Variants in PARD3B observed in about 807,000 individuals in gnomAD.
The protein encoded by PARD3B is par-3 family cell polarity regulator beta.
Under a neutral mutation model 130.2 loss-of-function variants are expected in PARD3B, and 103 were observed. The ratio of observed to expected loss-of-function variants is 0.79; its 90% CI spans 0.67 to 0.93. The LOEUF (loss-of-function observed/expected upper bound fraction) is 0.93. Ranked by LOEUF, PARD3B falls within the 40% of genes least tolerant of loss-of-function variation. The pLI is 0.00. For synonymous variants in PARD3B, 583 were observed against 553.2 expected, an observed-to-expected ratio of 1.05 and a Z score of -0.76; for missense variants, 1,609 against 1,499.2, an observed-to-expected ratio of 1.07 and a Z score of -1.21.
intron 1 of PARD3B, among the ~76,000 whole-genome samples, chr2:204,576,444 C>A (rs191061327): frequency 1.3e-5 from 2 of 152,082 alleles, no homozygotes; most frequent in Admixed American, 1.3e-4. Flanking sequence ...TACATTGTTG[C>A]GGCAAAGTTT....
chr2:205,447,726 A>G (rs1179757929), intron 20 of PARD3B, among the ~76,000 whole-genome samples: 1 of 152,194 alleles, frequency 6.6e-6, no homozygotes, highest in African/African-American at 2.4e-5. Flanking sequence ...GTCAAGCCTC[A>G]CGTCCCACTC....
chr2:205,398,619 C>T (rs849226), intron 18 of PARD3B, among the ~76,000 whole-genome samples: 38,581 of 152,022 alleles, frequency 0.25, 7,751 homozygotes, highest in African/African-American at 0.56. Flanking sequence ...AGTTGAGAAA[C>T]ATGCAGAATA....
Position 205,463,137 on chromosome 2 carries a change from C to T in PARD3B, c.3044+22465C>T, listed in dbSNP as rs2048507742. On this transcript the variant is annotated intron_variant, in intron 20 of 22. Coordinates refer to ENST00000406610, the MANE Select transcript of PARD3B (RefSeq NM_001302769.2). The surrounding 1 kb of genome is among the most constrained non-coding windows in gnomAD (Gnocchi z 4.8). ...TTGAACTGACTCACCTAATTGGGGT[C>T]AACCACTGAAAAAAAATGTGTTGCT... Among the ~76,000 whole-genome samples, 1 of 152,042 alleles carries T rather than the reference C, an allele frequency of 6.6e-6. No individual in the cohort carries two copies. The highest frequency in any genetic ancestry group is 1.5e-5 in the Non-Finnish European group (1 of 68,000).
At chr2:205,012,787 G>C (rs118134231) in intron 3 of PARD3B, among the ~76,000 whole-genome samples, 2,175 of 152,278 alleles carry the variant, frequency 0.014, 31 homozygotes, top group East Asian at 0.045. Context: ...ATCATGGAAA[G>C]AAAGCTATAA....
chr2:204,588,765 ATC>A (rs2032945580), intron 1 of PARD3B, among the ~76,000 whole-genome samples: 1 of 152,180 alleles, frequency 6.6e-6, no homozygotes, highest in African/African-American at 2.4e-5. Context: ...CACTGCAGAA[ATC>A]TTTTTATTAG....
At chr2:204,877,078 T>G (rs2045874845) in intron 2 of PARD3B, among the ~76,000 whole-genome samples, 1 of 151,956 alleles carries the variant, frequency 6.6e-6, no homozygotes. Context: ...AAATGATGAG[T>G]TCATGTCCTT....
At chr2:204,946,538 C>T (rs1030464461) in intron 2 of PARD3B, among the ~76,000 whole-genome samples, 2 of 152,034 alleles carry the variant, frequency 1.3e-5, no homozygotes, top group African/African-American at 2.4e-5. Context: ...TAGGGAACAC[C>T]GAGGAGATTT....
At chr2:205,196,350 C>T (rs1036586324) in intron 15 of PARD3B, among the ~76,000 whole-genome samples, 2 of 151,978 alleles carry the variant, frequency 1.3e-5, no homozygotes, top group Non-Finnish European at 1.5e-5. Flanking sequence ...GTTTTTGAGT[C>T]GTTTGTGTTT....
rs113941937 is a variant in PARD3B at position 205,550,957 on chromosome 2, A to T, written c.3181-2367A>T. ...TGTGTGTGTGTATATATATATGTGT[A>T]TATATATATATATATATATACACAC... On this transcript the variant is annotated intron_variant, in intron 21 of 22. Transcript: ENST00000406610. The surrounding 1 kb of genome is among the most constrained non-coding windows in gnomAD (Gnocchi z 4.5). 1.2e-5 allele frequency among the ~76,000 whole-genome samples: 1 copy of T among 84,820 alleles called. No homozygotes were observed. Among genetic ancestry groups the T allele is most frequent in the Non-Finnish European group, 2.2e-5 (1 of 44,936 alleles). The allele number at this position is 84,820 out of a possible 152,430, so 55.6% of individuals were successfully genotyped here.
rs535814971 is a variant in PARD3B at position 204,664,056 on chromosome 2, G to T, written c.121-22125G>T. On this transcript the variant is annotated intron_variant, in intron 1 of 22. Coordinates refer to ENST00000406610, the MANE Select transcript of PARD3B (RefSeq NM_001302769.2). The surrounding 1 kb of genome is among the most constrained non-coding windows in gnomAD (Gnocchi z 5.2). ...TGTTCAAAGAATAGGGCCCTTAATT[G>T]GGTGGGATTTTTATTTGATTTATGA... Among the ~76,000 whole-genome samples the T allele has an allele frequency of 6.6e-6, 1 of 152,092 alleles. No individual in the cohort carries two copies. Among genetic ancestry groups the T allele is most frequent in the Non-Finnish European group, 1.5e-5 (1 of 68,010 alleles).
At chr2:204,588,576 G>T (rs2032936573) in intron 1 of PARD3B, among the ~76,000 whole-genome samples, 1 of 151,964 alleles carries the variant, frequency 6.6e-6, no homozygotes, top group South Asian at 2.1e-4. Flanking sequence ...CACTTTCTTT[G>T]TGTAATTGTT....
At chr2:205,430,041 T>G (rs2047276313) in intron 19 of PARD3B, among the ~76,000 whole-genome samples, 1 of 152,216 alleles carries the variant, frequency 6.6e-6, no homozygotes, top group Non-Finnish European at 1.5e-5. Context: ...AGAGCCTATA[T>G]GGATAATCCA....
chr2:205,454,373 A>G (rs1458753372), intron 20 of PARD3B, among the ~76,000 whole-genome samples: 1 of 152,186 alleles, frequency 6.6e-6, no homozygotes, highest in South Asian at 2.1e-4. Context: ...ATAAATAATC[A>G]GTGGGATGAA....
intron 2 of PARD3B, among the ~76,000 whole-genome samples, chr2:204,736,171 T>C (rs2039740341): frequency 1.3e-5 from 2 of 152,140 alleles, no homozygotes; most frequent in South Asian, 2.1e-4. Context: ...ACTATTTTTT[T>C]TTTTTGGTCA....
chr2:205,542,144 C>CAAAAAAAAAA (rs71032484), intron 21 of PARD3B, among the ~76,000 whole-genome samples: 4 of 38,066 alleles, frequency 1.1e-4, no homozygotes, highest in Non-Finnish European at 1.7e-4. Context: ...ACTCCGTCTC[C>CAAAAAAAAAA]AAAAAAAAAA....
intron 18 of PARD3B, among the ~76,000 whole-genome samples, chr2:205,337,766 G>T (rs545973439): frequency 3.7e-4 from 57 of 152,242 alleles, no homozygotes; most frequent in Non-Finnish European, 5.4e-4. Context: ...GTTAATAAGT[G>T]CTTGTGTCAA....
In PARD3B at chr2:204,545,638, C is replaced by T. The variant is rs2029876831; in HGVS notation, c.-362C>T. 6.6e-6 allele frequency among the ~76,000 whole-genome samples: 1 copy of T among 152,044 alleles called. No homozygotes were observed. The highest frequency in any genetic ancestry group is 2.4e-5 in the African/African-American group (1 of 41,434). On this transcript the variant is annotated 5_prime_UTR_variant, in exon 1 of 23. Transcript: ENST00000406610. The stretch of plus-strand genomic sequence containing the variant: ...CCAGGGCCAGGGCCAGGGCCAGGAC[C>T]AGCGACAGGGCAGGGCCGGCAGTTT...
chr2:205,540,133 C>T (rs1294903117), intron 21 of PARD3B, among the ~76,000 whole-genome samples: 1 of 151,930 alleles, frequency 6.6e-6, no homozygotes, highest in Non-Finnish European at 1.5e-5. Context: ...TCATGTGAGA[C>T]ACTTGGGCTG....
At chr2:205,428,842 T>C (rs1278529206) in intron 19 of PARD3B, among the ~76,000 whole-genome samples, 6 of 152,120 alleles carry the variant, frequency 3.9e-5, no homozygotes, top group Non-Finnish European at 7.4e-5. Context: ...GAGAAAAGGC[T>C]GAGAAATAAT....
Sources: gnomAD v4.1 joint callset for allele counts (sites outside exome capture counted in the v4.1 genomes callset) on GRCh38, gnomAD v4.1.1 for gene constraint, Gnocchi (gnomAD v3.1) non-coding constraint, MANE v1.5 for transcripts, NCBI Gene and HGNC (gene_info 2026-07-23, HGNC 2026-07-21) for gene names.